The following ADAMTS9 variants were observed in gnomAD, a reference collection of about 807,000 sequenced individuals.
The protein encoded by ADAMTS9 is ADAM metallopeptidase with thrombospondin type 1 motif 9, also known as A disintegrin and metalloproteinase with thrombospondin motifs 9.
Under a neutral mutation model 257.1 loss-of-function variants are expected in ADAMTS9, and 107 were observed. The ratio of observed to expected loss-of-function variants is 0.42; its 90% CI spans 0.36 to 0.49. The LOEUF is 0.49. Ranked by LOEUF, ADAMTS9 falls within the 20% of genes least tolerant of loss-of-function variation. The pLI is 0.03. For synonymous variants in ADAMTS9, 982 were observed against 880.9 expected (o/e 1.11, Z -2.03); for missense variants, 2,353 against 2,469.1 (o/e 0.95, Z 1.00).
chr3:64,642,316 G>T (rs1700666849), intron 11 of ADAMTS9, among the ~76,000 whole-genome samples: 1 of 152,148 alleles, frequency 6.6e-6, no homozygotes, highest in African/African-American at 2.4e-5. Flanking sequence ...GGGAAGGGTG[G>T]TTATAGACAG....
chr3:64,592,336 A>C (rs1170697642), intron 28 of ADAMTS9: 1 of 152,154 alleles, frequency 6.6e-6, no homozygotes, highest in Non-Finnish European at 1.5e-5. Context: ...AGAGCATTAT[A>C]ATTTCTTTCT....
At chr3:64,652,495 A>T (rs1413999296) in intron 8 of ADAMTS9, among the ~76,000 whole-genome samples, 1 of 152,206 alleles carries the variant, frequency 6.6e-6, no homozygotes. Flanking sequence ...AGGCATTCAA[A>T]TCTTAGTGGT....
chr3:64,561,849 A>G, intron 29 of ADAMTS9, 98 bp from the exon 30 acceptor site: 1 of 1,032,088 alleles, frequency 9.7e-7, no homozygotes, highest in Non-Finnish European at 1.4e-6. Context: ...TGCACTCCTA[A>G]TCCAATGACT....
chr3:64,568,171 CA>C (rs553123554), intron 29 of ADAMTS9, among the ~76,000 whole-genome samples, 196 bp downstream of exon 29: 54 of 152,206 alleles, frequency 3.5e-4, no homozygotes, highest in African/African-American at 1.2e-3. Context: ...AGGTATTATC[CA>C]AAGCTCCAGA....
At chr3:64,680,223 A>G (rs998966080) in intron 3 of ADAMTS9, among the ~76,000 whole-genome samples, 1 of 152,218 alleles carries the variant, frequency 6.6e-6, no homozygotes, top group South Asian at 2.1e-4. Flanking sequence ...GCATTTGAGG[A>G]AACTCCCTGG....
At chr3:64,672,549 G>C (rs953199869) in intron 3 of ADAMTS9, among the ~76,000 whole-genome samples, 2 of 152,116 alleles carry the variant, frequency 1.3e-5, no homozygotes, top group African/African-American at 4.8e-5. Context: ...TGGGTGTGGT[G>C]GTGCACACCT....
chr3:64,651,038 T>C lies in ADAMTS9; in HGVS notation c.1442A>G (p.Lys481Arg), dbSNP rs754616114. 3.1e-6 allele frequency: 5 copies of C among 1,605,680 alleles called. No individual in the cohort carries two copies. In the South Asian group the frequency reaches 5.6e-5, roughly 18 times the overall value. The change falls in exon 9 of 40, where the codon AAA (lysine) becomes AGA (arginine). Residue 481 changes from lysine (K) to arginine (R), a missense_variant. Physicochemically the swap from Lys to Arg is conservative, Grantham distance 26. Around this residue, in one of 3 missense-constraint regions of ADAMTS9, gnomAD observed 360 missense variants for 458.1 expected, o/e 0.79. Transcript: ENST00000498707. ...TTACTCTAAAAACTCAGTGATATATTTTCGACTACACTTTGACCACATCCA... is the reference window on the plus strand; with the variant it reads ...TTACTCTAAAAACTCAGTGATATATCTTCGACTACACTTTGACCACATCCA... ...NPWMWSKCSR[K>R]YITEFLDTGY...
chr3:64,678,931 C>T (rs908837149), intron 3 of ADAMTS9, among the ~76,000 whole-genome samples: 7 of 152,158 alleles, frequency 4.6e-5, no homozygotes, highest in Non-Finnish European at 1.0e-4. Flanking sequence ...TGGTTCATTA[C>T]AAGGGATGAA....
At chr3:64,601,820 T>C (rs1025195768) in intron 26 of ADAMTS9, 124 bp downstream of exon 26, 54 of 1,214,234 alleles carry the variant, frequency 4.4e-5, no homozygotes, top group Non-Finnish European at 5.5e-5. Context: ...TCAAAGCAAA[T>C]GAAAATGCAC....
At chr3:64,645,870 C>T (rs1694932229) in intron 11 of ADAMTS9, among the ~76,000 whole-genome samples, 1 of 152,190 alleles carries the variant, frequency 6.6e-6, no homozygotes, top group Admixed American at 6.5e-5. Context: ...AGCTCCCCAT[C>T]CCTCAGAAGA....
intron 31 of ADAMTS9, among the ~76,000 whole-genome samples, chr3:64,548,420 C>A (rs1468841071): frequency 6.6e-6 from 1 of 152,198 alleles, no homozygotes; most frequent in African/African-American, 2.4e-5. Flanking sequence ...GTGTTTCATG[C>A]AGATGGCTAA....
chr3:64,611,610 T>A (rs2106833495), intron 22 of ADAMTS9, among the ~76,000 whole-genome samples: 1 of 152,274 alleles, frequency 6.6e-6, no homozygotes, highest in African/African-American at 2.4e-5. Context: ...CTGTTCCACC[T>A]CAGATCATTA....
At chr3:64,523,390 T>C (rs1319088179) in intron 38 of ADAMTS9, among the ~76,000 whole-genome samples, 1 of 152,108 alleles carries the variant, frequency 6.6e-6, no homozygotes, top group Non-Finnish European at 1.5e-5. Flanking sequence ...AAGAGTCTAG[T>C]GGAACTAGTG....
At position 64,686,535 on chromosome 3, in the gene ADAMTS9, G is replaced by A; in HGVS notation, c.516+33C>T. On this transcript the variant is annotated intron_variant, in intron 2 of 39. Transcript: ENST00000498707. This position sits in a 1 kb window ranked among gnomAD's most constrained non-coding sequence, Gnocchi z 4.6. The stretch of plus-strand genomic sequence containing the variant: ...TCTTCTAGAAGCGGGCGAGGAGGCG[G>A]AAGGGGAGAGGAGGTGGCGCGCGCC... The A allele has an allele frequency of 6.4e-7, 1 of 1,560,312 alleles. No homozygotes were observed. The highest frequency in any genetic ancestry group is 2.3e-5 in the East Asian group (1 of 43,384).
intron 3 of ADAMTS9, among the ~76,000 whole-genome samples, chr3:64,680,475 A>C (rs1701725262): frequency 6.6e-6 from 1 of 152,198 alleles, no homozygotes; most frequent in South Asian, 2.1e-4. Flanking sequence ...GAGGCAGTGA[A>C]GTGTTGCTAC....
At chr3:64,556,714 T>TTTCC (rs59682586) in intron 30 of ADAMTS9, among the ~76,000 whole-genome samples, 39,355 of 137,990 alleles carry the variant, frequency 0.29, 5,947 homozygotes, top group East Asian at 0.49. Flanking sequence ...TCTATGTTTT[T>TTTCC]TTCCTTCCTT....
chr3:64,546,797 G>A lies in ADAMTS9; in HGVS notation c.5025C>T (p.Cys1675=), dbSNP rs970520109. 2.5e-6 allele frequency: 4 copies of A among 1,612,772 alleles called. 1 individual carries two copies. Among genetic ancestry groups the A allele is most frequent in the South Asian group, 2.2e-5 (2 of 90,792 alleles). ...CAACTCTCCAGGTGGCCGAGACAGGGCAGTCCCTCAGGTAACAGGGGTGAA... is the reference window on the plus strand; with the variant it reads ...CAACTCTCCAGGTGGCCGAGACAGGACAGTCCCTCAGGTAACAGGGGTGAA... ...PSVHPCYLRD[C]PVSATWRVGN... is the part of the protein sequence containing the mutation. The change falls in exon 32 of 40, where the codon TGC becomes TGT. Residue 1675 remains cysteine, a synonymous_variant. Transcript: ENST00000498707.
chr3:64,554,011 A>G (rs2083301229), intron 30 of ADAMTS9, among the ~76,000 whole-genome samples: 1 of 152,236 alleles, frequency 6.6e-6, no homozygotes, highest in African/African-American at 2.4e-5. Context: ...TTAACCACCC[A>G]TAGAAAAAGT....
At chr3:64,592,164 A>T (rs1051170856) in intron 28 of ADAMTS9, among the ~76,000 whole-genome samples, 3 of 152,232 alleles carry the variant, frequency 2.0e-5, no homozygotes, top group African/African-American at 7.2e-5. Flanking sequence ...CTTTTGATTT[A>T]ATTTTTTAAG....
Sources: gnomAD v4.1 joint callset for allele counts (sites outside exome capture counted in the v4.1 genomes callset) on GRCh38, gnomAD v4.1.1 for gene constraint, gnomAD v4.1.1 regional missense constraint, Gnocchi (gnomAD v3.1) non-coding constraint, MANE v1.5 for transcripts, NCBI Gene and HGNC (gene_info 2026-07-23, HGNC 2026-07-21) for gene names.